Variants in TGFBR1 observed in about 807,000 individuals in gnomAD.
TGFBR1 encodes transforming growth factor beta receptor 1.
In TGFBR1, 20 loss-of-function variants were observed where a neutral mutation model predicts 55.1. The observed-to-expected ratio is 0.36, with a 90% confidence interval of 0.26 to 0.53. The LOEUF (loss-of-function observed/expected upper bound fraction) is 0.53. Ranked by LOEUF, TGFBR1 falls within the 20% of genes least tolerant of loss-of-function variation. The pLI is 0.91. For synonymous variants in TGFBR1, 220 were observed against 214.8 expected, an observed-to-expected ratio of 1.02 and a Z score of -0.21; for missense variants, 385 against 617.6, an observed-to-expected ratio of 0.62 and a Z score of 3.99.
Position 99,128,971 on chromosome 9 carries a change from A to C in TGFBR1, c.214A>C (p.Ile72Leu). 1.2e-6 allele frequency: 2 copies of C among 1,614,028 alleles called. No homozygotes were observed. The highest frequency in any genetic ancestry group is 8.5e-7 in the Non-Finnish European group (1 of 1,179,956). Reference sequence around the variant, plus strand: ...CAAAGTTATACACAACAGCATGTGTATAGCTGAAATTGACTTAATTCCTCG... The same window carrying C: ...CAAAGTTATACACAACAGCATGTGTCTAGCTGAAATTGACTTAATTCCTCG... ...TDKVIHNSMC[I>L]AEIDLIPRDR... Residue 72 changes from isoleucine to leucine, a missense_variant, in exon 2 of 9, where the codon ATA becomes CTA. By Grantham distance (5) the Ile-to-Leu change is conservative. Transcript: ENST00000374994.
intron 1 of TGFBR1, chr9:99,127,673 C>G: frequency 3.1e-6 from 1 of 326,152 alleles, no homozygotes; most frequent in Non-Finnish European, 6.0e-6. Flanking sequence ...CTGCCCCTGT[C>G]TGCCTAGCCA....
chr9:99,144,293 T>C (rs1024876177), intron 5 of TGFBR1, among the ~76,000 whole-genome samples: 1 of 152,220 alleles, frequency 6.6e-6, no homozygotes, highest in Non-Finnish European at 1.5e-5. Flanking sequence ...CACATTATAA[T>C]TATTATTTTT....
chr9:99,133,146 C>G (rs1251724050), intron 3 of TGFBR1, among the ~76,000 whole-genome samples: 5 of 152,156 alleles, frequency 3.3e-5, no homozygotes, highest in Admixed American at 3.3e-4. Context: ...TTGATGTTTA[C>G]ATTTGAAAAC....
Position 99,149,501 on chromosome 9 carries a change from C to T in TGFBR1, c.*196C>T, listed in dbSNP as rs200533591. ...AACAGCCATGTGGGTCCTTTCTGTGCACTATGAACGCTTCTTTCCCAGGAC... is the reference window on the plus strand; with the variant it reads ...AACAGCCATGTGGGTCCTTTCTGTGTACTATGAACGCTTCTTTCCCAGGAC... On this transcript the variant is annotated 3_prime_UTR_variant, in exon 9 of 9. Transcript: ENST00000374994. The T allele has an allele frequency of 1.6e-6, 1 of 624,050 alleles. No individual in the cohort carries two copies. Among genetic ancestry groups the T allele is most frequent in the Non-Finnish European group, 2.8e-6 (1 of 360,666 alleles). The allele number at this position is 624,050 out of a possible 1,614,324, so 38.7% of individuals were successfully genotyped here. A position where few individuals can be genotyped will look rare whatever the true frequency, so the allele number is the denominator to read the frequency against.
chr9:99,129,355 A>T (rs1218559810), intron 2 of TGFBR1, among the ~76,000 whole-genome samples: 1 of 152,182 alleles, frequency 6.6e-6, no homozygotes, highest in Non-Finnish European at 1.5e-5. Context: ...GATAAAAGCA[A>T]ACTCTGACAA....
At chr9:99,121,542 A>G (rs751926596) in intron 1 of TGFBR1, among the ~76,000 whole-genome samples, 2 of 152,108 alleles carry the variant, frequency 1.3e-5, no homozygotes, top group Non-Finnish European at 2.9e-5. Flanking sequence ...ACTGGGGTAG[A>G]AGAATAGGTT....
upstream of TGFBR1, among the ~76,000 whole-genome samples, chr9:99,104,734 G>A (rs1826346964): frequency 6.6e-6 from 1 of 152,184 alleles, no homozygotes; most frequent in East Asian, 1.9e-4. Flanking sequence ...GAGGTTAGAA[G>A]AAAAGAGCGT....
Position 99,118,739 on chromosome 9 carries a change from G to A in TGFBR1, c.98-10116G>A, listed in dbSNP as rs115684146. 9.8e-3 allele frequency among the ~76,000 whole-genome samples: 1,453 copies of A among 148,774 alleles called. 22 individuals carry two copies. The highest frequency in any genetic ancestry group is 0.034 in the African/African-American group (1,380 of 40,278). On this transcript the variant is annotated intron_variant, in intron 1 of 8. Coordinates refer to ENST00000374994, the MANE Select transcript of TGFBR1 (RefSeq NM_004612.4). The stretch of plus-strand genomic sequence containing the variant: ...TGGCTCACTGCAGCCTCAAACTCCT[G>A]GGGCTCAAGTGATCCTTGTGCCCCA...
At chr9:99,142,297 AAT>A (rs1244250169) in intron 4 of TGFBR1, among the ~76,000 whole-genome samples, 1 of 152,180 alleles carries the variant, frequency 6.6e-6, no homozygotes, top group Non-Finnish European at 1.5e-5. Context: ...TTGTCTCTTA[AAT>A]GGGATTAATT....
intron 1 of TGFBR1, among the ~76,000 whole-genome samples, chr9:99,108,097 T>G (rs1826465720): frequency 6.6e-6 from 1 of 152,250 alleles, no homozygotes; most frequent in African/African-American, 2.4e-5. Context: ...TTATATTCTA[T>G]TCCACATAAA....
chr9:99,115,069 G>A (rs1459599526), intron 1 of TGFBR1, among the ~76,000 whole-genome samples: 2 of 152,120 alleles, frequency 1.3e-5, no homozygotes. Flanking sequence ...GATTTCATTG[G>A]GAAAAACAAG....
In TGFBR1 at chr9:99,142,699, C is replaced by T. The variant is rs1192456677; in HGVS notation, c.969C>T (p.Thr323=). Residue 323 remains threonine (T), a synonymous_variant, in exon 5 of 9, where the codon ACC becomes ACT. Coordinates refer to ENST00000374994, the MANE Select transcript of TGFBR1 (RefSeq NM_004612.4). Reference sequence around the variant, plus strand: ...ATCTTCACATGGAGATTGTTGGTACCCAAGGTAATTCTATAAGCAGTTCTA... The same window carrying T: ...ATCTTCACATGGAGATTGTTGGTACTCAAGGTAATTCTATAAGCAGTTCTA... The part of the protein sequence containing the change: ...LAHLHMEIVG[T]QGKPAIAHRD... The T allele has an allele frequency of 2.5e-6, 4 of 1,613,774 alleles. No individual in the cohort carries two copies. Among genetic ancestry groups the T allele is most frequent in the Non-Finnish European group, 3.4e-6 (4 of 1,179,870 alleles).
chr9:99,122,247 A>C (rs78545730), intron 1 of TGFBR1, among the ~76,000 whole-genome samples: 1,545 of 151,980 alleles, frequency 0.01, 7 homozygotes, highest in East Asian at 0.036. Flanking sequence ...GTAGATGATG[A>C]CACACTAAGC....
chr9:99,121,960 T>C lies in TGFBR1; in HGVS notation c.98-6895T>C, dbSNP rs535879305. On this transcript the variant is annotated intron_variant, in intron 1 of 8. Coordinates refer to ENST00000374994, the MANE Select transcript of TGFBR1 (RefSeq NM_004612.4). ...GAGGCTTGGAGATGTACATCTGAGA[T>C]GTACCAAAGGGCCAAGTGCAAAGTA... Among the ~76,000 whole-genome samples, 7 of 152,278 alleles carry C rather than the reference T, an allele frequency of 4.6e-5. No homozygotes were observed. The South Asian group carries it at 8.3e-4, about 18-fold the overall frequency.
intron 1 of TGFBR1, among the ~76,000 whole-genome samples, chr9:99,118,860 A>G (rs1826822952): frequency 6.6e-6 from 1 of 151,192 alleles, no homozygotes; most frequent in Non-Finnish European, 1.5e-5. Flanking sequence ...TATATCCTCT[A>G]CCTAAAATGA....
chr9:99,139,073 G>C (rs909546105), intron 4 of TGFBR1, among the ~76,000 whole-genome samples: 1 of 152,082 alleles, frequency 6.6e-6, no homozygotes, highest in African/African-American at 2.4e-5. Context: ...TGGGATTACA[G>C]GCATGAGCCA....
chr9:99,147,587 A>G (rs1827836665), intron 7 of TGFBR1, 67 bp from the exon 8 acceptor site: 8 of 1,460,702 alleles, frequency 5.5e-6, no homozygotes, highest in Non-Finnish European at 7.6e-6. Context: ...CTCTCAGGTG[A>G]TCTTTTAATG....
chr9:99,143,311 G>T (rs531359563), intron 5 of TGFBR1, among the ~76,000 whole-genome samples: 1 of 152,288 alleles, frequency 6.6e-6, no homozygotes, highest in South Asian at 2.1e-4. Flanking sequence ...ATATTTTTAT[G>T]TGTAGTATCA....
rs1309768002 is a variant in TGFBR1, at chr9:99,115,147, GA to G, written c.97+9847del. 2.0e-5 allele frequency among the ~76,000 whole-genome samples: 3 copies of G among 152,046 alleles called. No individual in the cohort carries two copies. In the East Asian group the frequency reaches 5.8e-4, roughly 29 times the overall value. On this transcript the variant is annotated intron_variant, in intron 1 of 8. Transcript: ENST00000374994. ...TACATGGGCCATTGAAAAATAAAGTGAACAATTCGGGTTTATCACTCATGAT... is the reference window on the plus strand; with the variant it reads ...TACATGGGCCATTGAAAAATAAAGTGACAATTCGGGTTTATCACTCATGAT...
Sources: gnomAD v4.1 joint callset for allele counts (sites outside exome capture counted in the v4.1 genomes callset) on GRCh38, gnomAD v4.1.1 for gene constraint, MANE v1.5 for transcripts, NCBI Gene and HGNC (gene_info 2026-07-23, HGNC 2026-07-21) for gene names.